The following SYTL2 variants were observed in gnomAD, a reference collection of about 807,000 sequenced individuals.
The protein encoded by SYTL2 is synaptotagmin-like protein 2.
A neutral mutation model predicts 198.7 loss-of-function variants in SYTL2; 165 were observed. The ratio of observed to expected loss-of-function variants is 0.83; its 90% confidence interval spans 0.73 to 0.94. The LOEUF is 0.94. Ranked by LOEUF, SYTL2 falls within the 40% of genes least tolerant of loss-of-function variation. SYTL2 has a pLI of 0.00. For synonymous variants in SYTL2, 966 were observed against 917.7 expected (o/e 1.05, Z -0.95); for missense variants, 2,835 against 2,582.8 (o/e 1.10, Z -2.12).
At chr11:85,843,569 C>T in the SYTL2 span, among the ~76,000 whole-genome samples, 1 of 151,944 alleles carries the variant, frequency 6.6e-6, no homozygotes, top group Admixed American at 6.6e-5. Context: ...TGTGTGTGTG[C>T]AGGCTTGGAG....
At chr11:85,791,923 T>G (rs561298285) in intron 1 of SYTL2, among the ~76,000 whole-genome samples, 1 of 152,184 alleles carries the variant, frequency 6.6e-6, no homozygotes, top group East Asian at 1.9e-4. Context: ...GCAGCTGCGA[T>G]AGGATTACAA....
rs535656275 is a variant in SYTL2, at chr11:85,726,528, G to C, written c.2830C>G (p.Pro944Ala). ...PSNVGSERHAPLEKDRPLVRE... is the reference protein window; with the variant it reads ...PSNVGSERHAALEKDRPLVRE... ...ACTAGAGGTCTGTCTTTCTCCAATG[G>C]AGCATGTCGTTCACTCCCGACATTT... The change falls in exon 8 of 20, where the codon CCA becomes GCA. Residue 944 changes from proline to alanine, a missense_variant. By Grantham distance (27) the Pro-to-Ala change is conservative (BLOSUM62 -1). Transcript: ENST00000359152. 24 of 1,602,836 alleles carry C rather than the reference G, an allele frequency of 1.5e-5. No individual in the cohort carries two copies. In the African/African-American group the frequency reaches 2.8e-4, roughly 19 times the overall value.
chr11:85,707,528 A>G lies in SYTL2; in HGVS notation c.5919T>C (p.Tyr1973=), dbSNP rs2085384419. The G allele has an allele frequency of 1.3e-6, 2 of 1,593,986 alleles. No homozygotes were observed. Among genetic ancestry groups the G allele is most frequent in the Non-Finnish European group, 1.7e-6 (2 of 1,166,556 alleles). ...TGTCTGGTAGCAAATAGGCCTTTACATATCTGAAAAGGAGAATTGAACAGA... is the reference window on the plus strand; with the variant it reads ...TGTCTGGTAGCAAATAGGCCTTTACGTATCTGAAAAGGAGAATTGAACAGA... ...ADVKKQRSDP[Y]VKAYLLPDKG... The change falls in exon 15 of 20, where the codon TAT becomes TAC. Residue 1973 remains tyrosine, a synonymous_variant. Transcript: ENST00000359152.
intron 1 of SYTL2, among the ~76,000 whole-genome samples, chr11:85,781,517 C>T (rs2092559474): frequency 6.6e-6 from 1 of 152,178 alleles, no homozygotes; most frequent in Non-Finnish European, 1.5e-5. Flanking sequence ...CCCACAAATT[C>T]TTAACTCATT....
chr11:85,850,474 A>G, the SYTL2 span, among the ~76,000 whole-genome samples: 7 of 151,860 alleles, frequency 4.6e-5, no homozygotes, highest in Admixed American at 3.3e-4. Context: ...AACCACTATG[A>G]GATACCATCT....
chr11:85,700,925 G>A lies in SYTL2; in HGVS notation c.6190-332C>T, dbSNP rs78580345. ...ATTTTGATCAAAACACAAATATTTT[G>A]TTAGCTATTCAGCCAGCATATAAAA... On this transcript the variant is annotated intron_variant, in intron 16 of 19. Transcript: ENST00000359152. Among the ~76,000 whole-genome samples, 349 of 152,208 alleles carry A rather than the reference G, an allele frequency of 2.3e-3. 1 individual carries two copies. The highest frequency in any genetic ancestry group is 0.016 in the East Asian group (81 of 5,184).
At chr11:85,808,645 C>T (rs1296905403) in intron 1 of SYTL2, among the ~76,000 whole-genome samples, 1 of 152,106 alleles carries the variant, frequency 6.6e-6, no homozygotes, top group African/African-American at 2.4e-5. Context: ...TCTGCCAGGA[C>T]ACCAGTTTTA....
chr11:85,810,066 C>T (rs1156681871), intron 1 of SYTL2, among the ~76,000 whole-genome samples: 1 of 152,182 alleles, frequency 6.6e-6, no homozygotes, highest in African/African-American at 2.4e-5. Context: ...CCCCACCTTC[C>T]AGGGTCTATC....
At position 85,726,058 on chromosome 11, in the gene SYTL2, A is replaced by C. The variant is rs2089130079; in HGVS notation, c.3300T>G (p.Thr1100=). The change falls in exon 8 of 20, where the codon ACT becomes ACG. Residue 1100 remains threonine (T), a synonymous_variant. Coordinates refer to ENST00000359152, the MANE Select transcript of SYTL2 (RefSeq NM_206927.4). ...AATCCTTTTCTTCCTTAAACACTGG[A>C]GTAACAATCCCTTCCGTATTCTTTT... The part of the protein sequence containing the change: ...NVEKNTEGIV[T]PVFKEEKDYS... 13 of 1,613,106 alleles carry C rather than the reference A, an allele frequency of 8.1e-6. No individual in the cohort carries two copies. The highest frequency in any genetic ancestry group is 1.1e-5 in the Non-Finnish European group (13 of 1,179,576).
intron 7 of SYTL2, among the ~76,000 whole-genome samples, chr11:85,733,011 G>C (rs958516822): frequency 6.6e-6 from 1 of 152,154 alleles, no homozygotes; most frequent in Non-Finnish European, 1.5e-5. Flanking sequence ...AGGCTAGTTA[G>C]CAGGGAAAAG....
At chr11:85,833,078 A>C in the SYTL2 span, among the ~76,000 whole-genome samples, 7 of 45,322 alleles carry the variant, frequency 1.5e-4, no homozygotes, top group Non-Finnish European at 2.9e-4. Context: ...AAAGAAAGAA[A>C]GAAAGAAAGA....
intron 1 of SYTL2, among the ~76,000 whole-genome samples, chr11:85,796,822 A>G (rs1026103064): frequency 3.3e-5 from 5 of 152,232 alleles, no homozygotes; most frequent in African/African-American, 1.2e-4. Flanking sequence ...TGACTGATAT[A>G]TACTTTTAAA....
chr11:85,698,720 G>A (rs976999220), intron 17 of SYTL2, among the ~76,000 whole-genome samples: 2 of 152,086 alleles, frequency 1.3e-5, no homozygotes, highest in Non-Finnish European at 2.9e-5. Context: ...TTAAATTTTT[G>A]TAGAGACAGA....
rs1215022074 is a variant in SYTL2 at position 85,757,892 on chromosome 11, T to C, written c.-167A>G. On this transcript the variant is annotated 5_prime_UTR_variant, in exon 2 of 20. Transcript: ENST00000359152. ...CTCAGCAAAAGTTTAGGGCAGCTGA[T>C]AGCAAGATCCTAAGTGCTCTTTCCC... The C allele has an allele frequency of 9.4e-6, 8 of 853,390 alleles. No individual in the cohort carries two copies. The highest frequency in any genetic ancestry group is 1.7e-5 in the South Asian group (1 of 58,534). The allele number at this position is 853,390 out of a possible 1,614,324, so 52.9% of individuals were successfully genotyped here. A position where few individuals can be genotyped will look rare whatever the true frequency, so the allele number is the denominator to read the frequency against.
rs111770919 is a variant in SYTL2, at chr11:85,726,124, A to T, written c.3234T>A (p.Thr1078=). ...ATGACTCATTTCCTGGCAACTGATA[A>T]GTATACTTTCTAAGTGGACTCAAAG... ...TFPLSPLRKY[T]YQLPGNESSK... Residue 1078 remains threonine, a synonymous_variant, in exon 8 of 20, where the codon ACT becomes ACA. Transcript: ENST00000359152. 9 of 1,614,048 alleles carry T rather than the reference A, an allele frequency of 5.6e-6. No individual in the cohort carries two copies. Among genetic ancestry groups the T allele is most frequent in the African/African-American group, 4.0e-5 (3 of 75,024 alleles).
rs537817957 is a variant in SYTL2 at position 85,734,332 on chromosome 11, C to T, written c.997G>A (p.Val333Met). 4.3e-6 allele frequency: 7 copies of T among 1,614,236 alleles called. No individual in the cohort carries two copies. The African/African-American group carries it at 6.7e-5, about 15-fold the overall frequency. ...SPNSLEPLKHVRFSAVKDELP... is the reference protein window; with the variant it reads ...SPNSLEPLKHMRFSAVKDELP... The stretch of plus-strand genomic sequence containing the variant: ...TCATCCTTCACTGCAGAGAATCTCA[C>T]ATGCTTTAATGGCTCCAGGGAGTTT... Residue 333 changes from valine to methionine, a missense_variant, in exon 7 of 20, where the codon GTG becomes ATG. Val to Met is a conservative substitution (Grantham distance 21, BLOSUM62 1). This residue lies in a region of SYTL2 where 2,645 missense variants were observed against 2,381.7 expected (regional missense o/e 1.11). Transcript: ENST00000359152.
chr11:85,837,927 T>C, the SYTL2 span, among the ~76,000 whole-genome samples: 1 of 152,226 alleles, frequency 6.6e-6, no homozygotes, highest in Non-Finnish European at 1.5e-5. Context: ...TCCTGTACAC[T>C]GCAGGATGGT....
intron 1 of SYTL2, among the ~76,000 whole-genome samples, chr11:85,796,234 T>G (rs1216039700): frequency 6.6e-6 from 1 of 152,196 alleles, no homozygotes; most frequent in Non-Finnish European, 1.5e-5. Flanking sequence ...ATTTTTCTTA[T>G]CTAGGTTATA....
chr11:85,791,046 A>G (rs777396333), intron 1 of SYTL2, among the ~76,000 whole-genome samples: 167 of 151,686 alleles, frequency 1.1e-3, no homozygotes, highest in Non-Finnish European at 1.6e-3. Flanking sequence ...GCACACCTGT[A>G]ATCCCGGCTA....
Sources: allele counts gnomAD v4.1 joint callset (sites outside exome capture counted in the v4.1 genomes callset), GRCh38; gene constraint gnomAD v4.1.1; regional missense constraint gnomAD v4.1.1; transcripts MANE v1.5; gene names NCBI Gene and HGNC (gene_info 2026-07-23, HGNC 2026-07-21).